The following NF1 variants were observed in gnomAD, a reference collection of about 807,000 sequenced individuals.
NF1 encodes neurofibromin.
A neutral mutation model predicts 325.7 loss-of-function variants in NF1; 122 were observed. The observed-to-expected ratio is 0.37, with a 90% CI of 0.32 to 0.44. NF1 has a LOEUF of 0.44. Ranked by LOEUF, NF1 falls within the 20% of genes least tolerant of loss-of-function variation. The probability of loss-of-function intolerance (pLI) is 1.00; values close to 1 mark genes in which losing one functional copy is unlikely to be tolerated. For synonymous variants in NF1, 1,091 were observed against 1,186.0 expected, an observed-to-expected ratio of 0.92 and a Z score of 1.65; for missense variants, 2,140 against 3,415.4, an observed-to-expected ratio of 0.63 and a Z score of 9.31.
intron 50 of NF1, among the ~76,000 whole-genome samples, chr17:31,350,624 A>G (rs190671878): frequency 6.6e-6 from 1 of 152,328 alleles, no homozygotes; most frequent in African/African-American, 2.4e-5. Context: ...TGGGGAAAAA[A>G]ACTAACGCGA....
chr17:31,202,194 C>A (rs2066542394), intron 11 of NF1, among the ~76,000 whole-genome samples: 1 of 152,082 alleles, frequency 6.6e-6, no homozygotes. Flanking sequence ...TAATGAACAA[C>A]CCTATTTTGA....
chr17:31,284,893 G>A (rs544797094), intron 36 of NF1, among the ~76,000 whole-genome samples: 1 of 152,082 alleles, frequency 6.6e-6, no homozygotes, highest in Non-Finnish European at 1.5e-5. Context: ...GGCCGAGGTG[G>A]GCAGATCACT....
chr17:31,172,527 G>T (rs1163722768), intron 5 of NF1, among the ~76,000 whole-genome samples: 1 of 152,098 alleles, frequency 6.6e-6, no homozygotes, highest in Non-Finnish European at 1.5e-5. Context: ...CGGGCCTTGC[G>T]CTATGCAGTT....
intron 52 of NF1, 108 bp from the exon 53 acceptor site, chr17:31,356,852 T>A: frequency 6.7e-7 from 1 of 1,487,900 alleles, no homozygotes. Flanking sequence ...TGTTAGTATT[T>A]TAAGTATCTA....
intron 1 of NF1, among the ~76,000 whole-genome samples, chr17:31,130,283 G>A (rs1393155162): frequency 6.6e-6 from 1 of 152,144 alleles, no homozygotes; most frequent in East Asian, 1.9e-4. Context: ...CTGCACTGGA[G>A]GGGCCGAGGT....
chr17:31,199,714 T>C (rs1270939637), intron 8 of NF1, among the ~76,000 whole-genome samples: 1 of 152,172 alleles, frequency 6.6e-6, no homozygotes. Flanking sequence ...TATATTCTTA[T>C]TTAGAAGGCT....
chr17:31,323,855 TTAA>T (rs574236929), intron 36 of NF1, among the ~76,000 whole-genome samples: 16 of 152,298 alleles, frequency 1.1e-4, no homozygotes, highest in African/African-American at 3.6e-4. Flanking sequence ...CTCCTTTGTC[TTAA>T]TAACAGTATT....
intron 50 of NF1, among the ~76,000 whole-genome samples, chr17:31,351,783 A>C (rs1031995991): frequency 2.0e-5 from 3 of 152,164 alleles, no homozygotes; most frequent in African/African-American, 7.2e-5. Context: ...TGCAGGCCGC[A>C]CGCAGCCCAG....
chr17:31,333,010 C>T (rs982235273), intron 39 of NF1, among the ~76,000 whole-genome samples: 37 of 152,096 alleles, frequency 2.4e-4, no homozygotes, highest in African/African-American at 8.4e-4. Flanking sequence ...AGGAGGATCG[C>T]TAAGCCCAGG....
At chr17:31,181,320 A>G in intron 5 of NF1, 102 bp from the exon 6 acceptor site, 2 of 1,081,508 alleles carry the variant, frequency 1.8e-6, no homozygotes, top group Non-Finnish European at 2.8e-6. Flanking sequence ...TACAGATAAT[A>G]TTGGAGCAAA....
At chr17:31,157,815 A>T (rs1190034587) in intron 2 of NF1, among the ~76,000 whole-genome samples, 2 of 144,908 alleles carry the variant, frequency 1.4e-5, no homozygotes, top group African/African-American at 5.5e-5. Flanking sequence ...AAAAAAAAAA[A>T]CTTAGCGGGG....
At chr17:31,338,331 T>G (rs548317562) in intron 45 of NF1, among the ~76,000 whole-genome samples, 192 bp downstream of exon 45, 4 of 152,334 alleles carry the variant, frequency 2.6e-5, no homozygotes, top group Admixed American at 6.5e-5. Flanking sequence ...GAAGCTGTCT[T>G]TATATGTAAA....
chr17:31,144,238 A>G (rs1345049358), intron 1 of NF1, among the ~76,000 whole-genome samples: 1 of 152,210 alleles, frequency 6.6e-6, no homozygotes, highest in Non-Finnish European at 1.5e-5. Flanking sequence ...CTATTATAAC[A>G]TCTCACTACT....
At chr17:31,245,120 C>CA (rs966547765) in intron 29 of NF1, among the ~76,000 whole-genome samples, 11 of 149,652 alleles carry the variant, frequency 7.4e-5, no homozygotes, top group African/African-American at 1.2e-4. Flanking sequence ...TATGCTGACT[C>CA]AAAAAAAAAA....
At chr17:31,349,435 T>C (rs994989457) in intron 49 of NF1, among the ~76,000 whole-genome samples, 184 bp downstream of exon 49, 2 of 152,168 alleles carry the variant, frequency 1.3e-5, no homozygotes, top group African/African-American at 4.8e-5. Flanking sequence ...AGGAAAAAAT[T>C]TAATTCCCAT....
chr17:31,257,439 CA>C (rs761632995), intron 31 of NF1, among the ~76,000 whole-genome samples: 20 of 152,052 alleles, frequency 1.3e-4, no homozygotes, highest in Non-Finnish European at 2.8e-4. Context: ...TGATTTAAAG[CA>C]GGGGACTCTG....
At chr17:31,367,558 CAA>C (rs1486441498) in intron 57 of NF1, among the ~76,000 whole-genome samples, 4 of 152,052 alleles carry the variant, frequency 2.6e-5, no homozygotes, top group Non-Finnish European at 5.9e-5. Context: ...ATAAGAAACT[CAA>C]GAGAGAGTTA....
At chr17:31,264,554 C>T (rs2067752717) in intron 35 of NF1, among the ~76,000 whole-genome samples, 1 of 151,978 alleles carries the variant, frequency 6.6e-6, no homozygotes, top group African/African-American at 2.4e-5. Flanking sequence ...CAAAATATGT[C>T]TAGTAGGTGT....
intron 11 of NF1, 28 bp from the exon 12 acceptor site, chr17:31,206,212 C>T (rs2143912980): frequency 6.2e-7 from 1 of 1,612,938 alleles, no homozygotes; most frequent in Non-Finnish European, 8.5e-7. Context: ...TGTACTTTTT[C>T]TTCCTATTGG....
Sources: allele counts gnomAD v4.1 joint callset (sites outside exome capture counted in the v4.1 genomes callset), GRCh38; gene constraint gnomAD v4.1.1; transcripts MANE v1.5; gene names NCBI Gene and HGNC (gene_info 2026-07-23, HGNC 2026-07-21).